The following DSCAML1 variants were observed in gnomAD, a reference collection of about 807,000 sequenced individuals.
DSCAML1 encodes the protein cell adhesion molecule DSCAML1.
A neutral mutation model predicts 200.5 loss-of-function variants in DSCAML1; 38 were observed. That is an observed-to-expected ratio of 0.19 (90% CI 0.15 to 0.25). The LOEUF is 0.25. Ranked by LOEUF, DSCAML1 falls within the 10% of genes least tolerant of loss-of-function variation. The pLI is 1.00. For missense variants in DSCAML1, 2,223 were observed against 2,858.8 expected, an observed-to-expected ratio of 0.78 and a Z score of 5.07; for synonymous variants, 1,215 against 1,165.0, an observed-to-expected ratio of 1.04 and a Z score of -0.87.
rs747196712 is a variant in DSCAML1, at chr11:117,505,693, G to C, written c.1823C>G (p.Ser608Cys). The C allele has an allele frequency of 6.2e-7, 1 of 1,613,178 alleles. No homozygotes were observed. Among genetic ancestry groups the C allele is most frequent in the Non-Finnish European group, 8.5e-7 (1 of 1,179,602 alleles). Residue 608 changes from serine to cysteine, a missense_variant, in exon 9 of 33, where the codon TCC becomes TGC. Transcript: ENST00000651296. The surrounding 1 kb of genome is among the most constrained non-coding windows in gnomAD (Gnocchi z 6.7). The part of the protein sequence containing the change: ...LIQPFEFPPA[S>C]IGQLLYIPCV... The stretch of plus-strand genomic sequence containing the variant: ...GGGAATGTAGAGCAGCTGGCCGATG[G>C]AGGCGGGTGGGAATTCGAAGGGCTG...
intron 3 of DSCAML1, among the ~76,000 whole-genome samples, chr11:117,761,731 T>C (rs1350963044): frequency 3.3e-5 from 5 of 152,018 alleles, no homozygotes; most frequent in African/African-American, 1.2e-4. Context: ...ATTAGCTGAG[T>C]GTGGTGGCGT....
rs532776323 is a variant in DSCAML1, at chr11:117,744,956, C to T, written c.511+31835G>A. The stretch of plus-strand genomic sequence containing the variant: ...GCGGGCCAACCCAGAGGACGTGCTG[C>T]CCAGAGGGTAGGTGGCCAGGACAAG... On this transcript the variant is annotated intron_variant, in intron 3 of 32. Transcript: ENST00000651296. Among the ~76,000 whole-genome samples the T allele has an allele frequency of 3.3e-5, 5 of 152,374 alleles. No homozygotes were observed. In the South Asian group the frequency reaches 1.0e-3, roughly 32 times the overall value.
At chr11:117,667,177 C>G (rs2052996261) in intron 3 of DSCAML1, among the ~76,000 whole-genome samples, 1 of 152,148 alleles carries the variant, frequency 6.6e-6, no homozygotes, top group Non-Finnish European at 1.5e-5. Context: ...TTCGGGAGGC[C>G]AAGGTGGGTG....
intron 3 of DSCAML1, among the ~76,000 whole-genome samples, chr11:117,646,849 G>C (rs2052531226): frequency 1.3e-5 from 2 of 148,708 alleles, no homozygotes; most frequent in Non-Finnish European, 3.0e-5. Flanking sequence ...CCTAGAGAGA[G>C]AGAGGAAAAA....
chr11:117,478,746 C>T (rs1413724497), intron 14 of DSCAML1, among the ~76,000 whole-genome samples: 2 of 152,150 alleles, frequency 1.3e-5, no homozygotes, highest in African/African-American at 4.8e-5. Context: ...TGCATTGCAC[C>T]CTCACTTGGT....
At chr11:117,536,296 C>A (rs1222841234) in intron 3 of DSCAML1, among the ~76,000 whole-genome samples, 2 of 151,982 alleles carry the variant, frequency 1.3e-5, no homozygotes, top group Non-Finnish European at 2.9e-5. Flanking sequence ...GCCCGGCCCG[C>A]TGTTTGGGGA....
intron 1 of DSCAML1, among the ~76,000 whole-genome samples, chr11:117,811,092 C>G (rs530856546): frequency 1.2e-4 from 18 of 152,194 alleles, no homozygotes; most frequent in African/African-American, 4.1e-4. Flanking sequence ...AGCCCTCCCC[C>G]ACCTGCCCAG....
At chr11:117,566,212 G>GTGAC (rs2050752411) in intron 3 of DSCAML1, among the ~76,000 whole-genome samples, 1 of 152,196 alleles carries the variant, frequency 6.6e-6, no homozygotes, top group Non-Finnish European at 1.5e-5. Flanking sequence ...AGCTGGTCCT[G>GTGAC]TGACAGAAGT....
At chr11:117,721,185 A>T (rs1324190898) in intron 3 of DSCAML1, among the ~76,000 whole-genome samples, 3 of 152,210 alleles carry the variant, frequency 2.0e-5, no homozygotes, top group African/African-American at 7.2e-5. Context: ...CTTGGACTGC[A>T]CCAAGCACTA....
intron 19 of DSCAML1, among the ~76,000 whole-genome samples, chr11:117,458,361 T>C (rs2048414749): frequency 6.6e-6 from 1 of 152,166 alleles, no homozygotes; most frequent in Non-Finnish European, 1.5e-5. Context: ...ACAAAGTCCC[T>C]AACCCGTGAT....
chr11:117,470,048 C>T (rs2048654603), intron 15 of DSCAML1, 68 bp from the exon 16 acceptor site: 1 of 1,401,246 alleles, frequency 7.1e-7, no homozygotes, highest in East Asian at 2.5e-5. Context: ...GTTCTATGTT[C>T]CCACTCCCAC....
intron 3 of DSCAML1, among the ~76,000 whole-genome samples, chr11:117,661,291 A>G (rs1264495017): frequency 1.3e-5 from 2 of 152,192 alleles, no homozygotes; most frequent in Admixed American, 1.3e-4. Context: ...TCGGCCAAGA[A>G]ACAACAGAGC....
In DSCAML1 at chr11:117,437,588, AG is replaced by A. The variant is rs1011150421; in HGVS notation, c.4433-180del. 1.3e-5 allele frequency among the ~76,000 whole-genome samples: 2 copies of A among 151,586 alleles called. No homozygotes were observed. Among genetic ancestry groups the A allele is most frequent in the African/African-American group, 4.9e-5 (2 of 41,198 alleles). ...GGGCGCAGAGGAGGAAGAGGAGGGG[AG>A]GGAGGAGAGGGAAGAAAAGGGCAGG... On this transcript the variant is annotated intron_variant, in intron 25 of 32. Transcript: ENST00000651296. The surrounding 1 kb of genome is among the most constrained non-coding windows in gnomAD (Gnocchi z 5.3).
At chr11:117,774,127 C>A (rs1203537543) in intron 3 of DSCAML1, among the ~76,000 whole-genome samples, 1 of 152,212 alleles carries the variant, frequency 6.6e-6, no homozygotes, top group Non-Finnish European at 1.5e-5. Flanking sequence ...CATCCCATGC[C>A]CAGCCTGCTG....
chr11:117,664,455 C>T, intron 3 of DSCAML1, among the ~76,000 whole-genome samples: 1 of 152,222 alleles, frequency 6.6e-6, no homozygotes, highest in Non-Finnish European at 1.5e-5. Context: ...TGACAGAGAT[C>T]AAGTCACATC....
intron 3 of DSCAML1, among the ~76,000 whole-genome samples, chr11:117,577,495 TTCCTTCCTTCCC>T (rs1301940576): frequency 0.045 from 1,444 of 31,872 alleles, 33 homozygotes; most frequent in Non-Finnish European, 0.057. Flanking sequence ...CCTTCCTTCC[TTCCTTCCTTCCC>T]TCCTTCCTTC....
chr11:117,750,459 C>A (rs935466759), intron 3 of DSCAML1, among the ~76,000 whole-genome samples: 3 of 152,170 alleles, frequency 2.0e-5, no homozygotes, highest in African/African-American at 7.2e-5. Flanking sequence ...CCCATCAGCT[C>A]CTCAAAGGCT....
Position 117,430,711 on chromosome 11 carries a change from T to C in DSCAML1, c.5686+11A>G. On this transcript the variant is annotated intron_variant, in intron 32 of 32. Transcript: ENST00000651296. ...GGGGGGCACTGCCTGGGAGGTGGTC[T>C]GAGCACTCACTCTTGTTGGCCCGGT... The C allele has an allele frequency of 6.2e-7, 1 of 1,604,530 alleles. No individual in the cohort carries two copies.
chr11:117,588,209 C>A (rs1468963593), intron 3 of DSCAML1, among the ~76,000 whole-genome samples: 2 of 152,080 alleles, frequency 1.3e-5, no homozygotes, highest in African/African-American at 4.8e-5. Context: ...GCATCTGGCA[C>A]CAGGGTCCAT....
Sources: gnomAD v4.1 joint callset for allele counts (sites outside exome capture counted in the v4.1 genomes callset) on GRCh38, gnomAD v4.1.1 for gene constraint, Gnocchi (gnomAD v3.1) non-coding constraint, MANE v1.5 for transcripts, NCBI Gene and HGNC (gene_info 2026-07-23, HGNC 2026-07-21) for gene names.